ADGRB3: variants seen among roughly 807,000 people sequenced by gnomAD.
The protein encoded by ADGRB3 is adhesion G protein-coupled receptor B3.
In ADGRB3, 37 loss-of-function variants were observed where a neutral mutation model predicts 193.4. The observed-to-expected ratio is 0.19, with a 90% CI of 0.15 to 0.25. The LOEUF is 0.25. ADGRB3 is among the 10% of genes least tolerant of loss of function. The pLI, the probability that ADGRB3 is intolerant of heterozygous loss-of-function variation, is 1.00. For missense variants in ADGRB3, 1,637 were observed against 1,852.9 expected (o/e 0.88, Z 2.14); for synonymous variants, 690 against 644.2 (o/e 1.07, Z -1.08).
chr6:69,080,886 G>C (rs1772367528), intron 17 of ADGRB3, among the ~76,000 whole-genome samples: 1 of 151,930 alleles, frequency 6.6e-6, no homozygotes, highest in Non-Finnish European at 1.5e-5. Context: ...AATCACAATT[G>C]TATGACAAAC....
chr6:69,271,853 T>C (rs1767188979), intron 20 of ADGRB3, among the ~76,000 whole-genome samples: 1 of 152,188 alleles, frequency 6.6e-6, no homozygotes, highest in Admixed American at 6.5e-5. Context: ...CTTTCTTAAA[T>C]ATAAAAGTTT....
At chr6:69,126,789 C>T (rs1331427711) in intron 17 of ADGRB3, among the ~76,000 whole-genome samples, 3 of 152,154 alleles carry the variant, frequency 2.0e-5, no homozygotes, top group Non-Finnish European at 1.5e-5. Flanking sequence ...TCACACTTAC[C>T]TTCCTATAGA....
At chr6:69,282,115 G>A (rs748034388) in intron 20 of ADGRB3, among the ~76,000 whole-genome samples, 36 of 152,134 alleles carry the variant, frequency 2.4e-4, no homozygotes, top group Non-Finnish European at 5.0e-4. Context: ...CTCTCAGGGG[G>A]TTTTGCTTCC....
At chr6:69,004,672 A>G (rs1359990129) in intron 11 of ADGRB3, among the ~76,000 whole-genome samples, 2 of 150,208 alleles carry the variant, frequency 1.3e-5, no homozygotes, top group Non-Finnish European at 3.0e-5. Context: ...TGTTAAGGAC[A>G]CCAGTCAGAT....
intron 17 of ADGRB3, among the ~76,000 whole-genome samples, chr6:69,191,603 A>G (rs1288386631): frequency 2.0e-5 from 3 of 152,122 alleles, no homozygotes; most frequent in African/African-American, 7.2e-5. Context: ...ATATAAATCT[A>G]ATGGACAAAG....
intron 20 of ADGRB3, among the ~76,000 whole-genome samples, chr6:69,279,966 G>T (rs1356472479): frequency 2.6e-5 from 4 of 152,138 alleles, no homozygotes; most frequent in Non-Finnish European, 4.4e-5. Context: ...GCTTTCAGCT[G>T]CTGTAGTCAG....
intron 29 of ADGRB3, among the ~76,000 whole-genome samples, chr6:69,367,409 C>T (rs990509048): frequency 2.6e-5 from 4 of 151,984 alleles, no homozygotes; most frequent in African/African-American, 9.7e-5. Flanking sequence ...AATGGTATTT[C>T]TAGTTCTAGA....
In ADGRB3 at chr6:69,031,529, C is replaced by CTT. The variant is rs1466447278; in HGVS notation, c.2107+13032_2107+13033dup. On this transcript the variant is annotated intron_variant, in intron 13 of 31. Coordinates refer to ENST00000370598, the MANE Select transcript of ADGRB3 (RefSeq NM_001704.3). Reference sequence around the variant, plus strand: ...TTGAATTTGAGTTGTCTCTTTCTTTCTTTCTTTCTTTCTTTCTTTCTTTTT... The same window carrying CTT: ...TTGAATTTGAGTTGTCTCTTTCTTTCTTTTTCTTTCTTTCTTTCTTTCTTTTT... 3.2e-3 allele frequency among the ~76,000 whole-genome samples: 168 copies of CTT among 52,440 alleles called. 2 individuals carry two copies. The highest frequency in any genetic ancestry group is 7.8e-3 in the African/African-American group (164 of 20,902). 34.4% of individuals were successfully genotyped at this position (52,440 alleles called of 152,430 possible). A position where few individuals can be genotyped will look rare whatever the true frequency, so the allele number is the denominator to read the frequency against.
chr6:69,203,225 A>G (rs146485031), intron 17 of ADGRB3, among the ~76,000 whole-genome samples: 2 of 152,170 alleles, frequency 1.3e-5, no homozygotes, highest in African/African-American at 4.8e-5. Flanking sequence ...AATCCTGGAA[A>G]GTACAACGGC....
At chr6:69,165,911 CTGAGT>C (rs1775121849) in intron 17 of ADGRB3, among the ~76,000 whole-genome samples, 3 of 152,018 alleles carry the variant, frequency 2.0e-5, no homozygotes, top group Non-Finnish European at 1.5e-5. Context: ...TTTAATTCTT[CTGAGT>C]TAAGAACTTT....
intron 3 of ADGRB3, among the ~76,000 whole-genome samples, chr6:68,835,563 C>T (rs1275907708): frequency 6.6e-6 from 1 of 152,026 alleles, no homozygotes; most frequent in South Asian, 2.1e-4. Context: ...TTCCTATTAT[C>T]TTTTTTTCCT....
intron 20 of ADGRB3, among the ~76,000 whole-genome samples, chr6:69,265,624 G>A (rs1015214192): frequency 6.6e-6 from 1 of 151,928 alleles, no homozygotes; most frequent in Non-Finnish European, 1.5e-5. Flanking sequence ...AATAATTTTG[G>A]TCCAACTTTG....
At chr6:68,867,612 T>G (rs1765333013) in intron 3 of ADGRB3, among the ~76,000 whole-genome samples, 1 of 152,104 alleles carries the variant, frequency 6.6e-6, no homozygotes, top group East Asian at 1.9e-4. Flanking sequence ...CAGTTTGTAC[T>G]GTGCTCCTGG....
intron 16 of ADGRB3, among the ~76,000 whole-genome samples, chr6:69,065,880 A>G (rs1223957613): frequency 6.6e-6 from 1 of 151,930 alleles, no homozygotes. Context: ...TTGGAAAAAA[A>G]TGAAAAATAA....
chr6:68,834,464 TA>T (rs975480666), intron 3 of ADGRB3, among the ~76,000 whole-genome samples: 1 of 152,142 alleles, frequency 6.6e-6, no homozygotes, highest in African/African-American at 2.4e-5. Flanking sequence ...TAATTTTCTA[TA>T]AAAAATCTAA....
chr6:68,760,799 A>G (rs987289289), intron 3 of ADGRB3, among the ~76,000 whole-genome samples: 1 of 152,164 alleles, frequency 6.6e-6, no homozygotes, highest in Admixed American at 6.6e-5. Context: ...TCAATGTCCA[A>G]TTACTGAGCC....
At chr6:68,726,334 G>T (rs937593548) in intron 3 of ADGRB3, among the ~76,000 whole-genome samples, 3 of 151,570 alleles carry the variant, frequency 2.0e-5, no homozygotes, top group Non-Finnish European at 4.4e-5. Flanking sequence ...GAAAAGTTGT[G>T]CCTTTCTCAA....
intron 17 of ADGRB3, among the ~76,000 whole-genome samples, chr6:69,223,208 T>C (rs1765936419): frequency 6.6e-6 from 1 of 152,194 alleles, no homozygotes; most frequent in African/African-American, 2.4e-5. Flanking sequence ...GAACCCTTAT[T>C]TTTGCATTTT....
At chr6:68,941,391 C>T (rs1001109935) in intron 5 of ADGRB3, among the ~76,000 whole-genome samples, 1 of 152,026 alleles carries the variant, frequency 6.6e-6, no homozygotes, top group South Asian at 2.1e-4. Context: ...GAACTTTTAC[C>T]GTGTAGCCAT....
Sources: allele counts gnomAD v4.1 joint callset (sites outside exome capture counted in the v4.1 genomes callset), GRCh38; gene constraint gnomAD v4.1.1; transcripts MANE v1.5; gene names NCBI Gene and HGNC (gene_info 2026-07-23, HGNC 2026-07-21).